PTBP3: variants seen among roughly 807,000 people sequenced by gnomAD.
The protein encoded by PTBP3 is polypyrimidine tract-binding protein 3.
PTBP3 carries 20 observed loss-of-function variants against 58.7 expected under a neutral mutation model. The observed-to-expected ratio is 0.34, with a 90% CI of 0.24 to 0.50. The LOEUF (loss-of-function observed/expected upper bound fraction) is 0.50. PTBP3 is among the 20% of genes least tolerant of loss of function. The probability of loss-of-function intolerance (pLI) is 0.98; values close to 1 mark genes in which losing one functional copy is unlikely to be tolerated. For synonymous variants in PTBP3, 185 were observed against 219.8 expected (o/e 0.84, Z 1.40); for missense variants, 509 against 637.2 (o/e 0.80, Z 2.17).
At chr9:112,237,714 A>G (rs1835488648) in intron 7 of PTBP3, among the ~76,000 whole-genome samples, 1 of 152,208 alleles carries the variant, frequency 6.6e-6, no homozygotes, top group Non-Finnish European at 1.5e-5. Flanking sequence ...AGCAAATCCC[A>G]GGGTTAGCCC....
chr9:112,251,516 A>G (rs1181752782), intron 6 of PTBP3, among the ~76,000 whole-genome samples: 3 of 152,150 alleles, frequency 2.0e-5, no homozygotes, highest in African/African-American at 7.2e-5. Flanking sequence ...AGGATGTGTA[A>G]GCTTTGTTAG....
chr9:112,220,173 C>G lies in PTBP3; in HGVS notation c.*3678G>C, dbSNP rs758172640. ...TGGGGAAAAACACATGTACTTTTGT[C>G]AATTTTTTGTCCAAAAATATCTCGT... On this transcript the variant is annotated 3_prime_UTR_variant, in exon 14 of 14. Transcript: ENST00000374257. The G allele has an allele frequency of 7.5e-7, 1 of 1,333,136 alleles. No individual in the cohort carries two copies. Among genetic ancestry groups the G allele is most frequent in the Non-Finnish European group, 9.9e-7 (1 of 1,012,504 alleles). 82.6% of individuals were successfully genotyped at this position (1,333,136 alleles called of 1,614,324 possible).
the PTBP3 span, among the ~76,000 whole-genome samples, chr9:112,340,718 A>G: frequency 6.6e-6 from 1 of 152,100 alleles, no homozygotes; most frequent in South Asian, 2.1e-4. Context: ...CGTCTCTACT[A>G]AAAGCACAAA....
At chr9:112,335,271 GTTTGTTTTTTTGTTTT>G (rs57799803), upstream of PTBP3, among the ~76,000 whole-genome samples, 73 of 151,062 alleles carry the variant, frequency 4.8e-4, no homozygotes, top group Non-Finnish European at 8.9e-4. Context: ...TTTTTTTGTT[GTTTGTTTTTTTGTTTT>G]TTTGTTTTTT....
At chr9:112,271,357 G>C (rs1427901647) in intron 3 of PTBP3, among the ~76,000 whole-genome samples, 4 of 152,122 alleles carry the variant, frequency 2.6e-5, no homozygotes, top group Admixed American at 2.6e-4. Context: ...CATTTCCTTT[G>C]ACTGTTATGG....
intron 10 of PTBP3, 89 bp from the exon 11 acceptor site, chr9:112,228,561 T>TTATACTAAA: frequency 1.1e-6 from 1 of 876,540 alleles, no homozygotes; most frequent in Non-Finnish European, 1.7e-6. Context: ...AAGGCATTTC[T>TTATACTAAA]TACTCTCCCT....
At chr9:112,313,330 A>G (rs1829564812) in intron 1 of PTBP3, among the ~76,000 whole-genome samples, 1 of 152,108 alleles carries the variant, frequency 6.6e-6, no homozygotes, top group Admixed American at 6.6e-5. Context: ...CAACCTACCA[A>G]AGCACTGGGA....
At chr9:112,334,955 T>C (rs1307686637), upstream of PTBP3, among the ~76,000 whole-genome samples, 2 of 152,256 alleles carry the variant, frequency 1.3e-5, no homozygotes, top group Admixed American at 1.3e-4. Context: ...AAATACATTT[T>C]GTTTTGTATA....
At chr9:112,373,783 A>G in the PTBP3 span, among the ~76,000 whole-genome samples, 1 of 152,274 alleles carries the variant, frequency 6.6e-6, no homozygotes, top group Non-Finnish European at 1.5e-5. Context: ...GAAAAAGGAA[A>G]TAAAATGAAG....
intron 3 of PTBP3, among the ~76,000 whole-genome samples, chr9:112,273,374 C>A (rs970182356): frequency 6.6e-6 from 1 of 152,184 alleles, no homozygotes; most frequent in South Asian, 2.1e-4. Flanking sequence ...GTAGGAAAAA[C>A]AGCTATGGCA....
intron 2 of PTBP3, among the ~76,000 whole-genome samples, chr9:112,291,352 T>C (rs1378302525): frequency 1.3e-5 from 2 of 151,916 alleles, no homozygotes; most frequent in Non-Finnish European, 2.9e-5. Flanking sequence ...AATGGCATTT[T>C]TGCAGGAAAA....
intron 3 of PTBP3, among the ~76,000 whole-genome samples, chr9:112,272,306 C>A (rs977551155): frequency 6.6e-6 from 1 of 152,146 alleles, no homozygotes; most frequent in African/African-American, 2.4e-5. Context: ...CTCAAGTAAT[C>A]CTCCTGCCTC....
chr9:112,264,702 C>T (rs934506724), intron 4 of PTBP3, among the ~76,000 whole-genome samples: 1 of 152,102 alleles, frequency 6.6e-6, no homozygotes, highest in Admixed American at 6.5e-5. Context: ...TTTTATCAAA[C>T]ATCAATGCAT....
intron 7 of PTBP3, among the ~76,000 whole-genome samples, chr9:112,241,098 T>G (rs1417230030): frequency 6.6e-6 from 1 of 152,096 alleles, no homozygotes; most frequent in Non-Finnish European, 1.5e-5. Flanking sequence ...TATTTGTTTG[T>G]TTTTTATTTT....
chr9:112,246,480 G>A (rs1835881276), intron 7 of PTBP3, among the ~76,000 whole-genome samples: 1 of 151,762 alleles, frequency 6.6e-6, no homozygotes, highest in Admixed American at 6.6e-5. Flanking sequence ...GGATCACGAG[G>A]TCAGGAGATT....
chr9:112,254,577 G>A (rs1015763894), intron 5 of PTBP3, among the ~76,000 whole-genome samples: 22 of 152,090 alleles, frequency 1.4e-4, no homozygotes, highest in Non-Finnish European at 1.0e-4. Context: ...GACTTCAATC[G>A]ACATTTCTCC....
the PTBP3 span, among the ~76,000 whole-genome samples, chr9:112,374,364 G>A: frequency 1.3e-5 from 2 of 152,182 alleles, no homozygotes; most frequent in Admixed American, 1.3e-4. Context: ...GGAACAGGAA[G>A]CAAATATTTG....
chr9:112,280,305 T>C (rs1827798889), intron 2 of PTBP3, among the ~76,000 whole-genome samples: 1 of 152,164 alleles, frequency 6.6e-6, no homozygotes, highest in South Asian at 2.1e-4. Context: ...TGCGCCCACC[T>C]TGGCCTTCCT....
At chr9:112,239,860 A>G (rs1375351994) in intron 7 of PTBP3, among the ~76,000 whole-genome samples, 1 of 20,458 alleles carries the variant, frequency 4.9e-5, no homozygotes, top group Admixed American at 7.0e-4. Flanking sequence ...GGAGGGAGGG[A>G]GGGAGGGAGG....
Sources: allele counts gnomAD v4.1 joint callset (sites outside exome capture counted in the v4.1 genomes callset), GRCh38; gene constraint gnomAD v4.1.1; transcripts MANE v1.5; gene names NCBI Gene and HGNC (gene_info 2026-07-23, HGNC 2026-07-21).